Variants in ARSG observed in about 807,000 individuals in gnomAD.
ARSG encodes the protein ASG.
In ARSG, 37 loss-of-function variants were observed where a neutral mutation model predicts 50.5. The ratio of observed to expected loss-of-function variants is 0.73; its 90% CI spans 0.56 to 0.96. ARSG has a LOEUF of 0.96. Ranked by LOEUF, ARSG falls within the 50% of genes least tolerant of loss-of-function variation. The pLI is 0.00. For missense variants in ARSG, 629 were observed against 675.3 expected (o/e 0.93, Z 0.76); for synonymous variants, 225 against 254.6 (o/e 0.88, Z 1.11).
At chr17:68,265,061 G>A (rs1400469779) in intron 1 of ARSG, among the ~76,000 whole-genome samples, 1 of 151,170 alleles carries the variant, frequency 6.6e-6, no homozygotes, top group African/African-American at 2.4e-5. Flanking sequence ...GGCTGAGGAA[G>A]GAGAATCACT....
chr17:68,327,225 C>G (rs1295707451), intron 2 of ARSG, among the ~76,000 whole-genome samples: 1 of 151,960 alleles, frequency 6.6e-6, no homozygotes, highest in Non-Finnish European at 1.5e-5. Context: ...TCCAGATGTT[C>G]CAGGAAAAAG....
the ARSG span, among the ~76,000 whole-genome samples, chr17:68,441,733 G>A: frequency 1.1e-4 from 16 of 152,296 alleles, 1 homozygote; most frequent in African/African-American, 3.1e-4. Context: ...CTCAGGTAAC[G>A]CTCTCCGTGG....
At chr17:68,441,551 A>G in the ARSG span, among the ~76,000 whole-genome samples, 4 of 152,218 alleles carry the variant, frequency 2.6e-5, no homozygotes, top group Non-Finnish European at 5.9e-5. Flanking sequence ...TGGGGAATGT[A>G]TAATTGGCAG....
rs375017370 is a variant in ARSG, at chr17:68,395,147, T to C, written c.1166T>C (p.Val389Ala). 6.2e-7 allele frequency: 1 copy of C among 1,614,150 alleles called. No homozygotes were observed. The highest frequency in any genetic ancestry group is 8.5e-7 in the Non-Finnish European group (1 of 1,179,986). The part of the protein sequence containing the change: ...SLPQGRRFDG[V>A]DVSEVLFGRS... ...CCTCAAGGACGGCGCTTTGATGGTG[T>C]GGACGTCTCCGAGGTGCTCTTTGGC... Residue 389 changes from valine to alanine, a missense_variant, in exon 10 of 12, where the codon GTG becomes GCG. Val to Ala is a moderately conservative substitution (Grantham distance 64, BLOSUM62 0). Coordinates refer to ENST00000621439, the MANE Select transcript of ARSG (RefSeq NM_001267727.2).
chr17:68,343,933 G>A, intron 3 of ARSG, 142 bp downstream of exon 3: 2 of 848,506 alleles, frequency 2.4e-6, no homozygotes, highest in East Asian at 5.6e-5. Flanking sequence ...ATAAGGAACT[G>A]AAAAGACCTA....
intron 4 of ARSG, among the ~76,000 whole-genome samples, 167 bp downstream of exon 4, chr17:68,347,339 A>G (rs1360586839): frequency 1.3e-5 from 2 of 152,016 alleles, no homozygotes; most frequent in South Asian, 2.1e-4. Context: ...GCTCTCCGGG[A>G]CCTTACATCC....
chr17:68,285,199 G>A (rs574664547), intron 1 of ARSG, among the ~76,000 whole-genome samples: 2 of 152,346 alleles, frequency 1.3e-5, no homozygotes, highest in African/African-American at 2.4e-5. Flanking sequence ...TAGCTACTAA[G>A]ACCAAGGTCA....
intron 1 of ARSG, among the ~76,000 whole-genome samples, chr17:68,300,968 A>G (rs2145457252): frequency 6.6e-6 from 1 of 152,070 alleles, no homozygotes; most frequent in Middle Eastern, 3.4e-3. Flanking sequence ...AATACAAAAA[A>G]TTAGCCGGGC....
chr17:68,441,204 G>C, the ARSG span: 1 of 152,144 alleles, frequency 6.6e-6, no homozygotes, highest in Admixed American at 6.5e-5. Flanking sequence ...AATTAACTTC[G>C]AGCCCCTGTC....
chr17:68,293,492 C>CTAATAA (rs10570607), intron 1 of ARSG, among the ~76,000 whole-genome samples: 1,704 of 150,636 alleles, frequency 0.011, 30 homozygotes, highest in African/African-American at 0.038. Flanking sequence ...GAGCATGATT[C>CTAATAA]TAATAATAAT....
chr17:68,450,143 C>T, the ARSG span, among the ~76,000 whole-genome samples: 1 of 144,878 alleles, frequency 6.9e-6, no homozygotes, highest in African/African-American at 2.6e-5. Flanking sequence ...CAGAATAATC[C>T]TTCAACAAAG....
chr17:68,412,290 T>A (rs1238730504), intron 11 of ARSG, among the ~76,000 whole-genome samples: 1 of 152,214 alleles, frequency 6.6e-6, no homozygotes, highest in East Asian at 1.9e-4. Flanking sequence ...AGTGCTTCCT[T>A]CAGGAGCTCT....
chr17:68,383,982 C>T (rs1295069252), intron 8 of ARSG, among the ~76,000 whole-genome samples: 2 of 152,166 alleles, frequency 1.3e-5, no homozygotes, highest in Non-Finnish European at 2.9e-5. Context: ...GAGCATTTCC[C>T]GTGTGGTGTG....
chr17:68,420,549 A>C lies in ARSG; in HGVS notation c.*86A>C. ...TTTCATTTTTACCCTCTTTACAAAC[A>C]CACGCTTTAGTTTAGTCTTGGAGTT... On this transcript the variant is annotated 3_prime_UTR_variant, in exon 12 of 12. Coordinates refer to ENST00000621439, the MANE Select transcript of ARSG (RefSeq NM_001267727.2). 7.0e-7 allele frequency: 1 copy of C among 1,438,142 alleles called. No homozygotes were observed. Among genetic ancestry groups the C allele is most frequent in the Non-Finnish European group, 9.6e-7 (1 of 1,041,682 alleles). 89.1% of individuals were successfully genotyped at this position (1,438,142 alleles called of 1,614,324 possible). A position where few individuals can be genotyped will look rare whatever the true frequency, so the allele number is the denominator to read the frequency against.
intron 2 of ARSG, among the ~76,000 whole-genome samples, chr17:68,342,123 G>C (rs1218908177): frequency 6.6e-6 from 1 of 151,848 alleles, no homozygotes; most frequent in Non-Finnish European, 1.5e-5. Context: ...CCCGACCTCA[G>C]TCAATTCTTG....
At chr17:68,266,767 T>C (rs2075174843) in intron 1 of ARSG, among the ~76,000 whole-genome samples, 1 of 151,896 alleles carries the variant, frequency 6.6e-6, no homozygotes, top group Non-Finnish European at 1.5e-5. Context: ...GCTGAGATTG[T>C]GCCATTGCAC....
rs749511351 is a variant in ARSG, at chr17:68,343,778, C to T, written c.393C>T (p.Val131=). Residue 131 remains valine, a synonymous_variant, in exon 3 of 12, where the codon GTC becomes GTT. Coordinates refer to ENST00000621439, the MANE Select transcript of ARSG (RefSeq NM_001267727.2). ...LAEVLQQAGY[V]TGIIGKWHLG... Reference sequence around the variant, plus strand: ...AGGTGCTGCAGCAGGCGGGTTACGTCACTGGGATAATAGGTAACTCTGGGC... The same window carrying T: ...AGGTGCTGCAGCAGGCGGGTTACGTTACTGGGATAATAGGTAACTCTGGGC... 1 of 1,612,880 alleles carries T rather than the reference C, an allele frequency of 6.2e-7. No individual in the cohort carries two copies. Among genetic ancestry groups the T allele is most frequent in the Admixed American group, 1.7e-5 (1 of 59,862 alleles).
At chr17:68,391,631 AG>A (rs1199546952) in intron 9 of ARSG, among the ~76,000 whole-genome samples, 1 of 152,172 alleles carries the variant, frequency 6.6e-6, no homozygotes, top group Non-Finnish European at 1.5e-5. Context: ...GATCTCTCTT[AG>A]GGGCACAATT....
chr17:68,436,031 G>A, the ARSG span, among the ~76,000 whole-genome samples: 3 of 152,212 alleles, frequency 2.0e-5, no homozygotes, highest in Admixed American at 2.0e-4. Flanking sequence ...ATCTTGTCCC[G>A]CTCAGGGATG....
Sources: gnomAD v4.1 joint callset for allele counts (sites outside exome capture counted in the v4.1 genomes callset) on GRCh38, gnomAD v4.1.1 for gene constraint, MANE v1.5 for transcripts, NCBI Gene and HGNC (gene_info 2026-07-23, HGNC 2026-07-21) for gene names.